RGS7: variants seen among roughly 807,000 people sequenced by gnomAD.
RGS7 encodes the protein regulator of G-protein signaling 7.
In RGS7, 27 loss-of-function variants were observed where a neutral mutation model predicts 81.1. The ratio of observed to expected loss-of-function variants is 0.33; its 90% CI spans 0.25 to 0.46. RGS7 has a LOEUF of 0.46. Ranked by LOEUF, RGS7 falls within the 20% of genes least tolerant of loss-of-function variation. The probability of loss-of-function intolerance (pLI) is 1.00; values close to 1 mark genes in which losing one functional copy is unlikely to be tolerated. For missense variants in RGS7, 396 were observed against 607.4 expected, an observed-to-expected ratio of 0.65 and a Z score of 3.66; for synonymous variants, 208 against 207.7, an observed-to-expected ratio of 1.00 and a Z score of -0.01.
chr1:241,011,584 G>GA (rs1416967309), intron 3 of RGS7, among the ~76,000 whole-genome samples: 1 of 152,132 alleles, frequency 6.6e-6, no homozygotes, highest in Non-Finnish European at 1.5e-5. Flanking sequence ...AAGGGCTAGG[G>GA]AAAAAATGAG....
chr1:240,804,982 G>A (rs1360584331), intron 15 of RGS7, among the ~76,000 whole-genome samples: 1 of 152,146 alleles, frequency 6.6e-6, no homozygotes, highest in Non-Finnish European at 1.5e-5. Flanking sequence ...TTAGTAATGT[G>A]TGTTTTTTAA....
At chr1:241,079,600 T>C (rs558943864) in intron 3 of RGS7, among the ~76,000 whole-genome samples, 76 of 152,038 alleles carry the variant, frequency 5.0e-4, no homozygotes, top group Middle Eastern at 6.8e-3. Flanking sequence ...AGGTAAAAAT[T>C]TGGAGCTCTT....
intron 2 of RGS7, among the ~76,000 whole-genome samples, chr1:241,246,131 G>A (rs537599572): frequency 1.8e-4 from 27 of 152,038 alleles, no homozygotes; most frequent in Admixed American, 1.7e-3. Flanking sequence ...AAACCGAAAC[G>A]TGTGTGTGTC....
Position 240,849,730 on chromosome 1 carries a change from C to T in RGS7, c.609+18857G>A, listed in dbSNP as rs899271914. 7.2e-5 allele frequency among the ~76,000 whole-genome samples: 11 copies of T among 152,138 alleles called. 1 individual carries two copies. The highest frequency in any genetic ancestry group is 5.9e-4 in the Admixed American group (9 of 15,274). ...TGTGTGATGTGCCTGCTCACCCCTTCGCCTTCCACTCTGATTGTAAGCTAC... is the reference window on the plus strand; with the variant it reads ...TGTGTGATGTGCCTGCTCACCCCTTTGCCTTCCACTCTGATTGTAAGCTAC... On this transcript the variant is annotated intron_variant, in intron 9 of 18. Transcript: ENST00000440928.
intron 6 of RGS7, among the ~76,000 whole-genome samples, chr1:240,878,395 AG>A (rs1381170627): frequency 6.6e-6 from 1 of 152,058 alleles, no homozygotes; most frequent in Non-Finnish European, 1.5e-5. Context: ...CCTGGCACAT[AG>A]TAGATGCTCA....
rs538590159 is a variant in RGS7 at position 241,057,882 on chromosome 1, A to T, written c.175+40784T>A. The stretch of plus-strand genomic sequence containing the variant: ...ATCTCAAAAATAGTAATAATAATTT[A>T]AAAAAGAGTTAAATTTATAGGTTGT... On this transcript the variant is annotated intron_variant, in intron 3 of 18. Coordinates refer to ENST00000440928, the MANE Select transcript of RGS7 (RefSeq NM_001364886.1). Among the ~76,000 whole-genome samples, 35 of 152,318 alleles carry T rather than the reference A, an allele frequency of 2.3e-4. 1 individual carries two copies. In the South Asian group the frequency reaches 6.0e-3, roughly 26 times the overall value.
In RGS7 at chr1:241,174,070, G is replaced by T. The variant is rs188783127; in HGVS notation, c.79-75308C>A. Among the ~76,000 whole-genome samples, 49 of 152,314 alleles carry T rather than the reference G, an allele frequency of 3.2e-4. 1 individual carries two copies. The highest frequency in any genetic ancestry group is 1.2e-3 in the African/African-American group (48 of 41,574). On this transcript the variant is annotated intron_variant, in intron 2 of 18. Coordinates refer to ENST00000440928, the MANE Select transcript of RGS7 (RefSeq NM_001364886.1). ...TCATTCCCAAATGTGCTGGGTTCCTGTGTTTAATGAGAATTATAGGACTTG... is the reference window on the plus strand; with the variant it reads ...TCATTCCCAAATGTGCTGGGTTCCTTTGTTTAATGAGAATTATAGGACTTG...
chr1:241,354,316 C>T (rs1264286278), intron 2 of RGS7, among the ~76,000 whole-genome samples: 8 of 152,170 alleles, frequency 5.3e-5, no homozygotes, highest in Admixed American at 3.3e-4. Context: ...AAATACAATA[C>T]TAATAATTTA....
intron 2 of RGS7, among the ~76,000 whole-genome samples, chr1:241,248,180 T>C (rs1349451167): frequency 6.6e-6 from 1 of 152,046 alleles, no homozygotes; most frequent in African/African-American, 2.4e-5. Context: ...ACTTCTTGTC[T>C]TGAAGCCTAT....
chr1:241,148,375 C>G (rs2068508772), intron 2 of RGS7, among the ~76,000 whole-genome samples: 1 of 152,050 alleles, frequency 6.6e-6, no homozygotes, highest in South Asian at 2.1e-4. Flanking sequence ...GACTTCATTT[C>G]TATATAGCCA....
chr1:241,054,675 T>C (rs958475539), intron 3 of RGS7, among the ~76,000 whole-genome samples: 13 of 152,228 alleles, frequency 8.5e-5, no homozygotes, highest in South Asian at 4.1e-4. Flanking sequence ...CACACATCTA[T>C]TAAGAGTGCC....
chr1:241,330,282 C>T (rs906698293), intron 2 of RGS7, among the ~76,000 whole-genome samples: 2 of 152,182 alleles, frequency 1.3e-5, no homozygotes, highest in African/African-American at 4.8e-5. Flanking sequence ...ATAACTCTCT[C>T]ATCTGATATG....
intron 2 of RGS7, among the ~76,000 whole-genome samples, chr1:241,304,082 G>T (rs2079935445): frequency 6.6e-6 from 1 of 151,810 alleles, no homozygotes; most frequent in Admixed American, 6.6e-5. Flanking sequence ...CAATCATTTG[G>T]CTAATTTACA....
intron 2 of RGS7, among the ~76,000 whole-genome samples, chr1:241,211,214 G>A (rs532224295): frequency 4.6e-5 from 7 of 152,174 alleles, no homozygotes; most frequent in Non-Finnish European, 8.8e-5. Context: ...GAACCCGGGA[G>A]GGGGAGGTTG....
chr1:241,238,406 A>T (rs2148119891), intron 2 of RGS7, among the ~76,000 whole-genome samples: 1 of 152,306 alleles, frequency 6.6e-6, no homozygotes, highest in African/African-American at 2.4e-5. Flanking sequence ...AGGACCAACT[A>T]TTTAGGAACA....
At chr1:241,028,205 T>C (rs959118147) in intron 3 of RGS7, among the ~76,000 whole-genome samples, 4 of 152,200 alleles carry the variant, frequency 2.6e-5, no homozygotes, top group African/African-American at 4.8e-5. Context: ...CCTGGCCACA[T>C]AGACTCAACC....
intron 5 of RGS7, among the ~76,000 whole-genome samples, chr1:240,933,156 A>AC (rs1458933510): frequency 1.3e-5 from 2 of 151,574 alleles, no homozygotes; most frequent in Non-Finnish European, 2.9e-5. Context: ...TGCTGGGATT[A>AC]CAGGTGTGAG....
intron 2 of RGS7, among the ~76,000 whole-genome samples, chr1:241,205,235 G>A (rs1315153499): frequency 2.0e-5 from 3 of 147,936 alleles, no homozygotes; most frequent in Non-Finnish European, 4.5e-5. Context: ...TGCACACCAC[G>A]CCCAGCTAAT....
chr1:241,007,228 G>A (rs1325114716), intron 3 of RGS7, among the ~76,000 whole-genome samples: 3 of 151,906 alleles, frequency 2.0e-5, no homozygotes, highest in Non-Finnish European at 4.4e-5. Flanking sequence ...TCTTTCTTTA[G>A]ATTTTCTTAA....
Sources: allele counts gnomAD v4.1 joint callset (sites outside exome capture counted in the v4.1 genomes callset), GRCh38; gene constraint gnomAD v4.1.1; transcripts MANE v1.5; gene names NCBI Gene and HGNC (gene_info 2026-07-23, HGNC 2026-07-21).